Variants in WWOX observed in about 807,000 individuals in gnomAD.
The protein encoded by WWOX is WW domain containing oxidoreductase.
Under a neutral mutation model 46.2 loss-of-function variants are expected in WWOX, and 69 were observed. The observed-to-expected ratio is 1.49, with a 90% CI of 1.23 to 1.82. The LOEUF is 1.82. Ranked by LOEUF, WWOX falls within the 40% of genes most tolerant of loss-of-function variation. The pLI, the probability that WWOX is intolerant of heterozygous loss-of-function variation, is 0.00. For synonymous variants in WWOX, 359 were observed against 202.6 expected (o/e 1.77, Z -6.56); for missense variants, 919 against 542.6 (o/e 1.69, Z -6.89).
intron 8 of WWOX, among the ~76,000 whole-genome samples, chr16:78,450,660 A>G (rs543282571): frequency 2.0e-5 from 3 of 152,294 alleles, no homozygotes; most frequent in Non-Finnish European, 4.4e-5. Flanking sequence ...GGTGAGTGCA[A>G]TAAGTCTGTT....
intron 8 of WWOX, among the ~76,000 whole-genome samples, chr16:78,826,275 G>A (rs980374585): frequency 6.6e-6 from 1 of 152,186 alleles, no homozygotes; most frequent in East Asian, 1.9e-4. Context: ...GAACCCGGGA[G>A]GTGGAGGTTG....
chr16:79,089,865 G>A (rs553069693), intron 8 of WWOX, among the ~76,000 whole-genome samples: 12 of 151,668 alleles, frequency 7.9e-5, no homozygotes, highest in Admixed American at 6.6e-5. Flanking sequence ...TGTCATGCTG[G>A]ATATGGGGGC....
intron 8 of WWOX, among the ~76,000 whole-genome samples, chr16:78,725,351 T>C (rs1243399491): frequency 7.3e-6 from 1 of 137,648 alleles, no homozygotes; most frequent in East Asian, 2.1e-4. Context: ...TTTCTTTTTT[T>C]TTTTTTTTTT....
chr16:78,774,559 C>T (rs1363716504), intron 8 of WWOX, among the ~76,000 whole-genome samples: 6 of 150,964 alleles, frequency 4.0e-5, no homozygotes, highest in South Asian at 2.1e-4. Flanking sequence ...TGAGCCTGTA[C>T]GTGTCCCCCT....
chr16:78,811,328 C>A (rs751095466), intron 8 of WWOX, among the ~76,000 whole-genome samples: 1 of 152,076 alleles, frequency 6.6e-6, no homozygotes, highest in Admixed American at 6.5e-5. Flanking sequence ...TAAATCACTT[C>A]GGGGAATTAT....
At chr16:78,414,683 C>G (rs1222141412) in intron 6 of WWOX, among the ~76,000 whole-genome samples, 1 of 152,212 alleles carries the variant, frequency 6.6e-6, no homozygotes, top group Non-Finnish European at 1.5e-5. Context: ...ATCTTGTGAC[C>G]TGAGGAATAA....
intron 8 of WWOX, among the ~76,000 whole-genome samples, chr16:78,955,396 A>C (rs981316853): frequency 2.0e-5 from 3 of 152,162 alleles, no homozygotes; most frequent in Non-Finnish European, 4.4e-5. Flanking sequence ...GACTTGAGGC[A>C]AGTGAGAGGT....
chr16:78,705,039 G>T (rs2048302946), intron 8 of WWOX, among the ~76,000 whole-genome samples: 1 of 152,000 alleles, frequency 6.6e-6, no homozygotes, highest in Non-Finnish European at 1.5e-5. Context: ...TAAGGGCAAG[G>T]ACCATGACTT....
At chr16:78,994,723 T>G (rs2046953223) in intron 8 of WWOX, among the ~76,000 whole-genome samples, 1 of 152,134 alleles carries the variant, frequency 6.6e-6, no homozygotes, top group Non-Finnish European at 1.5e-5. Flanking sequence ...AAAACTCATT[T>G]CATCTCAGTT....
intron 8 of WWOX, among the ~76,000 whole-genome samples, chr16:79,095,585 G>T (rs1457304573): frequency 1.3e-5 from 2 of 152,116 alleles, no homozygotes; most frequent in Non-Finnish European, 2.9e-5. Context: ...AACAAATGGA[G>T]CCACATTTAG....
At chr16:78,252,976 A>T (rs2038025262) in intron 5 of WWOX, among the ~76,000 whole-genome samples, 2 of 152,212 alleles carry the variant, frequency 1.3e-5, no homozygotes, top group African/African-American at 4.8e-5. Flanking sequence ...GCTGATAGAA[A>T]CGCAAACAGT....
At position 79,136,707 on chromosome 16, in the gene WWOX, C is replaced by A. The variant is rs547937877; in HGVS notation, c.1057-74901C>A. On this transcript the variant is annotated intron_variant, in intron 8 of 8. Coordinates refer to ENST00000566780, the MANE Select transcript of WWOX (RefSeq NM_016373.4). ...TCCTTTCTAGTTGCATGACCTGGGG[C>A]AGGTGACTTTATGTGGCTAAGCCTC... Among the ~76,000 whole-genome samples the A allele has an allele frequency of 2.0e-5, 3 of 152,262 alleles. No homozygotes were observed. The South Asian group carries it at 6.2e-4, about 32-fold the overall frequency.
chr16:79,008,846 C>G (rs1435980858), intron 8 of WWOX, among the ~76,000 whole-genome samples: 2 of 152,088 alleles, frequency 1.3e-5, no homozygotes, highest in East Asian at 3.9e-4. Context: ...GGGCCCCGAT[C>G]AGGTGGCAGG....
chr16:79,189,935 G>C (rs144948900), intron 8 of WWOX, among the ~76,000 whole-genome samples: 2,788 of 142,746 alleles, frequency 0.02, 101 homozygotes, highest in African/African-American at 0.067. Context: ...GGGTGGGGAA[G>C]GGGGGGGGGA....
At chr16:78,998,826 T>C (rs56242500) in intron 8 of WWOX, among the ~76,000 whole-genome samples, 3,702 of 152,314 alleles carry the variant, frequency 0.024, 61 homozygotes, top group Middle Eastern at 0.048. Flanking sequence ...CTAAATTCTT[T>C]CATGTCAGGG....
intron 8 of WWOX, among the ~76,000 whole-genome samples, chr16:79,130,835 TC>T (rs2049862797): frequency 6.6e-6 from 1 of 152,200 alleles, no homozygotes; most frequent in Non-Finnish European, 1.5e-5. Flanking sequence ...TTCCATGTTC[TC>T]CGCACAGTGC....
chr16:78,846,846 C>T (rs1409798075), intron 8 of WWOX, among the ~76,000 whole-genome samples: 1 of 152,118 alleles, frequency 6.6e-6, no homozygotes, highest in South Asian at 2.1e-4. Context: ...TTCTGTCATG[C>T]CTTCTATTTT....
chr16:78,743,868 A>G (rs561113374), intron 8 of WWOX, among the ~76,000 whole-genome samples: 4 of 152,348 alleles, frequency 2.6e-5, no homozygotes, highest in South Asian at 2.1e-4. Flanking sequence ...GGAGACCTCT[A>G]TAGGGTATTT....
intron 8 of WWOX, among the ~76,000 whole-genome samples, chr16:78,435,047 A>G (rs994494816): frequency 6.6e-6 from 1 of 152,196 alleles, no homozygotes; most frequent in African/African-American, 2.4e-5. Flanking sequence ...TAACGGGAGT[A>G]TCTCTAAAAA....
Sources: gnomAD v4.1 joint callset for allele counts (sites outside exome capture counted in the v4.1 genomes callset) on GRCh38, gnomAD v4.1.1 for gene constraint, MANE v1.5 for transcripts, NCBI Gene and HGNC (gene_info 2026-07-23, HGNC 2026-07-21) for gene names.